The following DISC1 variants were observed in gnomAD, a reference collection of about 807,000 sequenced individuals.
DISC1 encodes DISC1 scaffold protein, also known as disrupted in schizophrenia 1 protein.
A neutral mutation model predicts 84.5 loss-of-function variants in DISC1; 57 were observed. The ratio of observed to expected loss-of-function variants is 0.67; its 90% confidence interval spans 0.55 to 0.84. The LOEUF is 0.84. Ranked by LOEUF, DISC1 falls within the 40% of genes least tolerant of loss-of-function variation. The pLI, the probability that DISC1 is intolerant of heterozygous loss-of-function variation, is 0.00. For missense variants in DISC1, 1,000 were observed against 1,057.8 expected (o/e 0.95, Z 0.76); for synonymous variants, 411 against 415.2 (o/e 0.99, Z 0.12).
At chr1:231,779,461 C>A (rs1337184660) in intron 6 of DISC1, among the ~76,000 whole-genome samples, 1 of 150,232 alleles carries the variant, frequency 6.7e-6, no homozygotes, top group Non-Finnish European at 1.5e-5. Flanking sequence ...TATGCTTATT[C>A]AGTATGCATG....
chr1:231,926,525 A>G (rs563011175), intron 9 of DISC1, among the ~76,000 whole-genome samples: 1 of 152,312 alleles, frequency 6.6e-6, no homozygotes, highest in African/African-American at 2.4e-5. Context: ...ATTTGGATCT[A>G]GAGATGTAGC....
At chr1:232,019,802 T>G (rs960481060) in intron 11 of DISC1, among the ~76,000 whole-genome samples, 2 of 152,162 alleles carry the variant, frequency 1.3e-5, no homozygotes. Context: ...CCTGATATTT[T>G]ATGGACTTGT....
intron 9 of DISC1, among the ~76,000 whole-genome samples, chr1:231,949,708 C>T (rs185261343): frequency 1.7e-3 from 260 of 152,214 alleles, no homozygotes; most frequent in African/African-American, 5.9e-3. Context: ...AGCAGCTCTC[C>T]CAACAGCAAC....
intron 4 of DISC1, among the ~76,000 whole-genome samples, chr1:231,758,433 G>A (rs2075347944): frequency 6.6e-6 from 1 of 152,024 alleles, no homozygotes; most frequent in Non-Finnish European, 1.5e-5. Flanking sequence ...CAAACCATGG[G>A]GTAGGGGAGA....
At chr1:231,640,431 G>A (rs909114030) in intron 1 of DISC1, among the ~76,000 whole-genome samples, 24 of 152,150 alleles carry the variant, frequency 1.6e-4, no homozygotes, top group African/African-American at 5.3e-4. Flanking sequence ...GTAAGTGCAG[G>A]CTGGCTTCTC....
At chr1:231,872,058 TG>T (rs1474520868) in intron 9 of DISC1, among the ~76,000 whole-genome samples, 1 of 152,234 alleles carries the variant, frequency 6.6e-6, no homozygotes, top group Non-Finnish European at 1.5e-5. Flanking sequence ...GGGACAGTTC[TG>T]TGGGCAGTGG....
At chr1:231,950,326 T>A (rs1270331602) in intron 9 of DISC1, among the ~76,000 whole-genome samples, 1 of 151,726 alleles carries the variant, frequency 6.6e-6, no homozygotes, top group East Asian at 1.9e-4. Flanking sequence ...TACTACTAGG[T>A]AAGACAGTAA....
At chr1:231,818,299 T>C (rs760555547) in intron 8 of DISC1, 30 bp from the exon 9 acceptor site, 67 of 1,610,368 alleles carry the variant, frequency 4.2e-5, no homozygotes, top group Admixed American at 1.2e-4. Flanking sequence ...AAGCTTGTTT[T>C]CCCTTCTTCT....
chr1:231,939,277 C>T (rs1266191049), intron 9 of DISC1, among the ~76,000 whole-genome samples: 1 of 152,198 alleles, frequency 6.6e-6, no homozygotes, highest in Non-Finnish European at 1.5e-5. Flanking sequence ...CGTCATAGCT[C>T]TAGCTGTTAG....
chr1:231,916,356 T>C (rs937358317), intron 9 of DISC1, among the ~76,000 whole-genome samples: 1 of 152,184 alleles, frequency 6.6e-6, no homozygotes, highest in South Asian at 2.1e-4. Flanking sequence ...TTCCTTCAAA[T>C]ATCCACAATC....
At chr1:231,665,633 T>C (rs755904462) in intron 1 of DISC1, among the ~76,000 whole-genome samples, 5 of 152,262 alleles carry the variant, frequency 3.3e-5, no homozygotes, top group Non-Finnish European at 5.9e-5. Context: ...TGTAAGAATA[T>C]AATACATATA....
chr1:231,996,813 C>T (rs1431982351), intron 10 of DISC1, among the ~76,000 whole-genome samples: 1 of 152,156 alleles, frequency 6.6e-6, no homozygotes, highest in African/African-American at 2.4e-5. Context: ...ATTCTGTTCT[C>T]AAGAACTTAC....
At chr1:231,788,056 G>A (rs1460718955) in intron 6 of DISC1, among the ~76,000 whole-genome samples, 2 of 152,202 alleles carry the variant, frequency 1.3e-5, no homozygotes, top group Non-Finnish European at 2.9e-5. Context: ...GCTGAGGTGG[G>A]TGGATCACTT....
chr1:231,640,508 G>C (rs933987104), intron 1 of DISC1, among the ~76,000 whole-genome samples: 7 of 151,128 alleles, frequency 4.6e-5, no homozygotes, highest in African/African-American at 1.7e-4. Flanking sequence ...AAAACTGTGG[G>C]CTCACCAGAC....
intron 11 of DISC1, among the ~76,000 whole-genome samples, chr1:232,011,707 G>A (rs1248824963): frequency 2.0e-5 from 3 of 152,174 alleles, no homozygotes; most frequent in African/African-American, 7.2e-5. Context: ...ACGTGACTGT[G>A]TGTATGTCTA....
chr1:231,988,015 G>A (rs766893681), intron 10 of DISC1, among the ~76,000 whole-genome samples: 28 of 152,038 alleles, frequency 1.8e-4, no homozygotes, highest in Non-Finnish European at 1.9e-4. Context: ...GTGAAACCCC[G>A]TCCCTACTAA....
intron 10 of DISC1, among the ~76,000 whole-genome samples, chr1:231,984,020 C>T (rs1001430860): frequency 6.6e-6 from 1 of 152,210 alleles, no homozygotes; most frequent in African/African-American, 2.4e-5. Flanking sequence ...TCCACAATCA[C>T]ATGCTAGTGC....
At chr1:231,963,389 T>C (rs1461547369) in intron 10 of DISC1, among the ~76,000 whole-genome samples, 2 of 152,194 alleles carry the variant, frequency 1.3e-5, no homozygotes, top group Non-Finnish European at 2.9e-5. Context: ...CAATTTCATA[T>C]AGTTAACCCA....
intron 11 of DISC1, among the ~76,000 whole-genome samples, chr1:232,017,338 C>T (rs1479082647): frequency 1.3e-5 from 2 of 151,992 alleles, no homozygotes; most frequent in Non-Finnish European, 2.9e-5. Context: ...GCTCAAGTAG[C>T]GTTTTTGGCT....
Sources: gnomAD v4.1 joint callset for allele counts (sites outside exome capture counted in the v4.1 genomes callset) on GRCh38, gnomAD v4.1.1 for gene constraint, MANE v1.5 for transcripts, NCBI Gene and HGNC (gene_info 2026-07-23, HGNC 2026-07-21) for gene names.